CEP112: variants seen among roughly 807,000 people sequenced by gnomAD.
The protein encoded by CEP112 is centrosomal protein 112.
Under a neutral mutation model 153.0 loss-of-function variants are expected in CEP112, and 127 were observed. The observed-to-expected ratio is 0.83, with a 90% CI of 0.72 to 0.96. The LOEUF is 0.96. Ranked by LOEUF, CEP112 falls within the 40% of genes least tolerant of loss-of-function variation. The pLI, the probability that CEP112 is intolerant of heterozygous loss-of-function variation, is 0.00. For synonymous variants in CEP112, 358 were observed against 374.4 expected (o/e 0.96, Z 0.51); for missense variants, 1,089 against 1,101.2 (o/e 0.99, Z 0.16).
At chr17:65,971,415 A>AT (rs2062794710) in intron 17 of CEP112, among the ~76,000 whole-genome samples, 1 of 151,416 alleles carries the variant, frequency 6.6e-6, no homozygotes, top group African/African-American at 2.4e-5. Context: ...GCACCCATGC[A>AT]GCATGCTGCA....
chr17:65,709,092 C>T (rs1357407665), intron 23 of CEP112, among the ~76,000 whole-genome samples: 1 of 152,178 alleles, frequency 6.6e-6, no homozygotes. Flanking sequence ...TCTTCACTCT[C>T]ATCTCCCTTC....
intron 8 of CEP112, among the ~76,000 whole-genome samples, chr17:66,089,561 C>G (rs182529596): frequency 1.8e-4 from 28 of 152,040 alleles, no homozygotes; most frequent in African/African-American, 6.3e-4. Context: ...GCATTCACAA[C>G]TGAATTGATC....
intron 21 of CEP112, among the ~76,000 whole-genome samples, chr17:65,778,529 C>T (rs912685742): frequency 6.6e-6 from 1 of 152,100 alleles, no homozygotes; most frequent in African/African-American, 2.4e-5. Flanking sequence ...GTTATTAACA[C>T]AGCTCGTGGC....
At chr17:65,637,284 TC>T in intron 25 of CEP112, 96 bp from the exon 26 acceptor site, 1 of 844,644 alleles carries the variant, frequency 1.2e-6, no homozygotes, top group Non-Finnish European at 2.0e-6. Context: ...TTCAGACAAT[TC>T]CCTAGATAAA....
At chr17:66,188,738 T>C (rs1208775145) in intron 1 of CEP112, among the ~76,000 whole-genome samples, 2 of 152,198 alleles carry the variant, frequency 1.3e-5, no homozygotes, top group Non-Finnish European at 2.9e-5. Context: ...GTTGGTTTTG[T>C]TTTACATGTA....
intron 12 of CEP112, among the ~76,000 whole-genome samples, chr17:66,051,844 G>A (rs1355736200): frequency 6.6e-6 from 1 of 151,854 alleles, no homozygotes; most frequent in Non-Finnish European, 1.5e-5. Context: ...ACATACAGAT[G>A]CTCCTTGACT....
At chr17:65,945,677 G>A (rs370093285) in intron 18 of CEP112, among the ~76,000 whole-genome samples, 44 of 151,644 alleles carry the variant, frequency 2.9e-4, no homozygotes, top group Non-Finnish European at 4.7e-4. Flanking sequence ...ATGAAGTCTC[G>A]CTCTTGTCCC....
At chr17:65,859,895 C>T (rs1568128074) in intron 20 of CEP112, among the ~76,000 whole-genome samples, 1 of 149,648 alleles carries the variant, frequency 6.7e-6, no homozygotes, top group Non-Finnish European at 1.5e-5. Context: ...GTGGCGGGCG[C>T]CTCCAGCTAC....
chr17:65,902,462 C>A, intron 19 of CEP112, 128 bp from the exon 20 acceptor site: 2 of 615,034 alleles, frequency 3.3e-6, no homozygotes, highest in South Asian at 3.2e-5. Context: ...ATTATTACCT[C>A]ACCCTCGAAA....
chr17:65,722,915 T>A (rs1190441243), intron 23 of CEP112, among the ~76,000 whole-genome samples: 1 of 152,172 alleles, frequency 6.6e-6, no homozygotes, highest in Non-Finnish European at 1.5e-5. Flanking sequence ...AGTGAAATGG[T>A]AGATTTGTGA....
chr17:65,867,454 A>C (rs531512695), intron 20 of CEP112, among the ~76,000 whole-genome samples: 1 of 152,286 alleles, frequency 6.6e-6, no homozygotes, highest in East Asian at 1.9e-4. Context: ...CAATACTCTA[A>C]TCTTACTTTG....
intron 24 of CEP112, among the ~76,000 whole-genome samples, chr17:65,653,849 A>G (rs1456734756): frequency 6.6e-6 from 1 of 152,058 alleles, no homozygotes; most frequent in African/African-American, 2.4e-5. Flanking sequence ...CCACAAGGTC[A>G]GGAGGTCAAG....
At chr17:65,937,333 A>G in intron 18 of CEP112, among the ~76,000 whole-genome samples, 2 of 99,074 alleles carry the variant, frequency 2.0e-5, no homozygotes, top group African/African-American at 5.0e-5. Context: ...GGAAGTGAGG[A>G]GCGCCTCTTC....
At chr17:66,149,868 GTTTTTTTTTTTGTTTGTTTGTTTTTTTT>G (rs1256277101) in intron 4 of CEP112, among the ~76,000 whole-genome samples, 2 of 79,550 alleles carry the variant, frequency 2.5e-5, no homozygotes, top group Admixed American at 1.4e-4. Flanking sequence ...TAAATTTAGG[GTTTTTTTTTTTGTTTGTTTGTTTTTTTT>G]TTTTTTTTTT....
chr17:65,853,726 TAAAAAA>T lies in CEP112; in HGVS notation c.2164-1698_2164-1693del, dbSNP rs5821571. ...CTGGGCAACAGAGCGAGACTCCATC[TAAAAAA>T]AAAAAAAAAATTCTATTTCCGGTTC... On this transcript the variant is annotated intron_variant, in intron 20 of 26. Coordinates refer to ENST00000535342, the MANE Select transcript of CEP112 (RefSeq NM_001199165.4). 2.1e-5 allele frequency among the ~76,000 whole-genome samples: 3 copies of T among 142,918 alleles called. No individual in the cohort carries two copies. In the South Asian group the frequency reaches 6.8e-4, roughly 32 times the overall value. The allele number at this position is 142,918 out of a possible 152,430, so 93.8% of individuals were successfully genotyped here. A position where few individuals can be genotyped will look rare whatever the true frequency, so the allele number is the denominator to read the frequency against.
intron 6 of CEP112, among the ~76,000 whole-genome samples, chr17:66,104,225 T>A (rs1178924391): frequency 6.6e-6 from 1 of 152,174 alleles, no homozygotes; most frequent in Non-Finnish European, 1.5e-5. Flanking sequence ...TCCTTCACTC[T>A]GCCTGAAGAG....
intron 12 of CEP112, among the ~76,000 whole-genome samples, chr17:66,041,345 T>TAA (rs36002671): frequency 2.0e-5 from 3 of 151,950 alleles, no homozygotes; most frequent in South Asian, 2.1e-4. Context: ...GTTAATTTAT[T>TAA]AAAAAACACC....
At chr17:65,958,450 G>T (rs1479189757) in intron 18 of CEP112, among the ~76,000 whole-genome samples, 2 of 152,156 alleles carry the variant, frequency 1.3e-5, no homozygotes, top group East Asian at 1.9e-4. Context: ...TACTCCTGGG[G>T]GTTGGGGAAG....
intron 8 of CEP112, among the ~76,000 whole-genome samples, chr17:66,083,790 G>A (rs1300569107): frequency 2.0e-5 from 3 of 152,160 alleles, no homozygotes; most frequent in Non-Finnish European, 1.5e-5. Flanking sequence ...GGCAGAGGTT[G>A]CAGTGAGCCA....
Sources: allele counts gnomAD v4.1 joint callset (sites outside exome capture counted in the v4.1 genomes callset), GRCh38; gene constraint gnomAD v4.1.1; transcripts MANE v1.5; gene names NCBI Gene and HGNC (gene_info 2026-07-23, HGNC 2026-07-21).